Variants in SCAPER observed in about 807,000 individuals in gnomAD.
SCAPER encodes S phase cyclin A-associated protein in the endoplasmic reticulum.
SCAPER carries 98 observed loss-of-function variants against 182.2 expected under a neutral mutation model. The ratio of observed to expected loss-of-function variants is 0.54; its 90% confidence interval spans 0.46 to 0.64. The LOEUF (loss-of-function observed/expected upper bound fraction) is 0.64, where lower values mean the gene tolerates loss of function less well. Among genes scored for constraint, SCAPER ranks in the 30% least tolerant of loss-of-function variants. The pLI, the probability that SCAPER is intolerant of heterozygous loss-of-function variation, is 0.00. For missense variants in SCAPER, 1,432 were observed against 1,690.0 expected (o/e 0.85, Z 2.68); for synonymous variants, 605 against 564.6 (o/e 1.07, Z -1.01).
At chr15:76,853,796 A>T (rs560578073) in intron 4 of SCAPER, among the ~76,000 whole-genome samples, 4 of 152,350 alleles carry the variant, frequency 2.6e-5, no homozygotes, top group Admixed American at 1.3e-4. Flanking sequence ...TATTCAATAC[A>T]GTATTGGAAG....
intron 4 of SCAPER, among the ~76,000 whole-genome samples, chr15:76,848,031 G>A (rs2070296879): frequency 6.6e-6 from 1 of 151,972 alleles, no homozygotes; most frequent in African/African-American, 2.4e-5. Flanking sequence ...TTTTTGAGAA[G>A]GAGTCTCACT....
At chr15:76,783,950 A>T (rs1413477791) in intron 8 of SCAPER, among the ~76,000 whole-genome samples, 1 of 152,224 alleles carries the variant, frequency 6.6e-6, no homozygotes, top group African/African-American at 2.4e-5. Flanking sequence ...CAAAAACTGG[A>T]AGCATTCCCT....
intron 24 of SCAPER, among the ~76,000 whole-genome samples, chr15:76,474,628 A>T (rs1024072262): frequency 2.6e-5 from 4 of 152,220 alleles, no homozygotes; most frequent in African/African-American, 9.7e-5. Flanking sequence ...GAGATAATAG[A>T]TGTAAAGTAC....
intron 15 of SCAPER, among the ~76,000 whole-genome samples, chr15:76,746,692 A>C (rs947427692): frequency 1.6e-4 from 24 of 152,260 alleles, no homozygotes; most frequent in African/African-American, 5.8e-4. Flanking sequence ...ACATAAGATC[A>C]ATATATAAAA....
intron 16 of SCAPER, among the ~76,000 whole-genome samples, chr15:76,731,709 A>G (rs1276266938): frequency 3.3e-5 from 5 of 152,242 alleles, no homozygotes; most frequent in Non-Finnish European, 2.9e-5. Flanking sequence ...AAGCATATGT[A>G]GACAGGTTTA....
At chr15:76,776,080 A>C (rs1568097409) in intron 8 of SCAPER, among the ~76,000 whole-genome samples, 1 of 152,190 alleles carries the variant, frequency 6.6e-6, no homozygotes, top group Non-Finnish European at 1.5e-5. Context: ...GATAGACTAC[A>C]GTAGACTGCC....
Position 76,846,534 on chromosome 15 carries a change from G to A in SCAPER, c.196-4603C>T, listed in dbSNP as rs377360195. Among the ~76,000 whole-genome samples, 17 of 152,116 alleles carry A rather than the reference G, an allele frequency of 1.1e-4. No individual in the cohort carries two copies. In the East Asian group the frequency reaches 2.9e-3, roughly 26 times the overall value. ...ATCTCATAAACCAATTTTAAAATGGGCAAAAAATATAAATGAACATTTCTC... is the reference window on the plus strand; with the variant it reads ...ATCTCATAAACCAATTTTAAAATGGACAAAAAATATAAATGAACATTTCTC... On this transcript the variant is annotated intron_variant, in intron 4 of 31. Coordinates refer to ENST00000563290, the MANE Select transcript of SCAPER (RefSeq NM_020843.4).
intron 15 of SCAPER, among the ~76,000 whole-genome samples, chr15:76,749,712 T>C (rs1372484776): frequency 1.3e-5 from 2 of 151,966 alleles, no homozygotes; most frequent in African/African-American, 2.4e-5. Context: ...ACAAAACAGA[T>C]GCAAAGGCCA....
intron 14 of SCAPER, among the ~76,000 whole-genome samples, chr15:76,756,059 A>G (rs1219565429): frequency 1.3e-5 from 2 of 152,032 alleles, no homozygotes; most frequent in Non-Finnish European, 2.9e-5. Context: ...CCTGGCCAAC[A>G]TGGTGAAACC....
intron 26 of SCAPER, among the ~76,000 whole-genome samples, chr15:76,416,766 C>T (rs2045678029): frequency 6.6e-6 from 1 of 152,092 alleles, no homozygotes; most frequent in Non-Finnish European, 1.5e-5. Flanking sequence ...TCAGTGTTAT[C>T]TGAAAAAGTA....
At chr15:76,605,930 G>C (rs1033482468) in intron 22 of SCAPER, among the ~76,000 whole-genome samples, 5 of 151,844 alleles carry the variant, frequency 3.3e-5, no homozygotes, top group African/African-American at 1.2e-4. Flanking sequence ...CATTAGTCTT[G>C]CTAGCGGTCT....
intron 29 of SCAPER, among the ~76,000 whole-genome samples, chr15:76,374,355 T>C (rs1249909306): frequency 6.6e-6 from 1 of 151,828 alleles, no homozygotes; most frequent in Non-Finnish European, 1.5e-5. Context: ...GCCACTGCAC[T>C]CTAGCCTGGG....
At position 76,771,723 on chromosome 15, in the gene SCAPER, C is replaced by T; in HGVS notation, c.1248+19G>A. The T allele has an allele frequency of 6.3e-7, 1 of 1,591,692 alleles. No individual in the cohort carries two copies. The highest frequency in any genetic ancestry group is 8.6e-7 in the Non-Finnish European group (1 of 1,161,040). On this transcript the variant is annotated intron_variant, in intron 10 of 31. Coordinates refer to ENST00000563290, the MANE Select transcript of SCAPER (RefSeq NM_020843.4). The stretch of plus-strand genomic sequence containing the variant: ...TCAGAATTCTGATAAGTTGTTCTTA[C>T]CAAGTTAGCAGCACTCACATTTGAA...
intron 15 of SCAPER, 106 bp from the exon 16 acceptor site, chr15:76,733,490 T>C (rs1219923548): frequency 2.3e-6 from 3 of 1,324,990 alleles, no homozygotes; most frequent in Non-Finnish European, 3.0e-6. Flanking sequence ...GGTTCACGCC[T>C]GTGATCCTAG....
chr15:76,603,881 T>G (rs1384929792), intron 22 of SCAPER, among the ~76,000 whole-genome samples: 1 of 122,000 alleles, frequency 8.2e-6, no homozygotes, highest in African/African-American at 2.5e-5. Context: ...TGGGGTTGTT[T>G]TTTTTCTTGT....
intron 29 of SCAPER, among the ~76,000 whole-genome samples, chr15:76,359,923 G>A (rs997114314): frequency 6.6e-6 from 1 of 152,170 alleles, no homozygotes. Context: ...TTGACTTGGG[G>A]TAGAATCATA....
intron 26 of SCAPER, among the ~76,000 whole-genome samples, chr15:76,416,317 G>GAA (rs61396507): frequency 0.81 from 117,340 of 144,200 alleles, 49,365 homozygotes; most frequent in Middle Eastern, 0.95. Context: ...TCTACTAAAA[G>GAA]AAAAAAAAAA....
At chr15:76,741,190 A>C (rs1437400725) in intron 15 of SCAPER, among the ~76,000 whole-genome samples, 1 of 152,128 alleles carries the variant, frequency 6.6e-6, no homozygotes, top group South Asian at 2.1e-4. Context: ...CTATTTTATA[A>C]GATTATCCAT....
In SCAPER at chr15:76,348,662, G is replaced by T. The variant is rs541814371; in HGVS notation, c.4174C>A (p.Gln1392Lys). The T allele has an allele frequency of 3.0e-5, 47 of 1,552,098 alleles. 1 individual carries two copies. In the South Asian group the frequency reaches 5.5e-4, roughly 18 times the overall value. Residue 1392 changes from glutamine to lysine, a missense_variant, in exon 32 of 32, where the codon CAG becomes AAG. Physicochemically the swap from Gln to Lys is moderately conservative, Grantham distance 53 (BLOSUM62 1). Transcript: ENST00000563290. ...FPQQAWEEAR[Q>K]FFLKKEKK Reference sequence around the variant, plus strand: ...TTTTTCTCTTTTTTCAAGAAAAACTGTCGAGCTTCTTCCCAGGCCTGCTGA... The same window carrying T: ...TTTTTCTCTTTTTTCAAGAAAAACTTTCGAGCTTCTTCCCAGGCCTGCTGA...
Sources: gnomAD v4.1 joint callset for allele counts (sites outside exome capture counted in the v4.1 genomes callset) on GRCh38, gnomAD v4.1.1 for gene constraint, MANE v1.5 for transcripts, NCBI Gene and HGNC (gene_info 2026-07-23, HGNC 2026-07-21) for gene names.